The following BUB1 variants were observed in gnomAD, a reference collection of about 807,000 sequenced individuals.
The protein encoded by BUB1 is BUB1 mitotic checkpoint serine/threonine kinase.
A neutral mutation model predicts 135.2 loss-of-function variants in BUB1; 84 were observed. The observed-to-expected ratio is 0.62, with a 90% CI of 0.52 to 0.74. The LOEUF (loss-of-function observed/expected upper bound fraction) is 0.74. BUB1 is among the 30% of genes least tolerant of loss of function. BUB1 has a pLI of 0.00. For synonymous variants in BUB1, 403 were observed against 434.4 expected (o/e 0.93, Z 0.90); for missense variants, 1,162 against 1,288.3 (o/e 0.90, Z 1.50).
At chr2:110,650,258 T>A (rs965832628) in intron 18 of BUB1, among the ~76,000 whole-genome samples, 3 of 152,032 alleles carry the variant, frequency 2.0e-5, no homozygotes, top group African/African-American at 7.3e-5. Context: ...CTGTAAAATG[T>A]AAAATATAAT....
chr2:110,643,077 G>C (rs1284613311), intron 19 of BUB1, among the ~76,000 whole-genome samples: 1 of 152,086 alleles, frequency 6.6e-6, no homozygotes, highest in Non-Finnish European at 1.5e-5. Context: ...CTGGTTCCTG[G>C]TCCAGCATAT....
At chr2:110,653,751 C>G (rs1689847285) in intron 16 of BUB1, among the ~76,000 whole-genome samples, 1 of 152,150 alleles carries the variant, frequency 6.6e-6, no homozygotes, top group Admixed American at 6.6e-5. Flanking sequence ...ATGCCTATAT[C>G]CCAGTGCTTT....
At chr2:110,668,413 C>T (rs1206817666) in intron 6 of BUB1, among the ~76,000 whole-genome samples, 1 of 152,234 alleles carries the variant, frequency 6.6e-6, no homozygotes, top group East Asian at 1.9e-4. Flanking sequence ...ATGTGTAGGA[C>T]GTAAAATGTA....
Position 110,661,841 on chromosome 2 carries a change from C to A in BUB1, c.958G>T (p.Val320Phe). The change falls in exon 10 of 25, where the codon GTT becomes TTT. Residue 320 changes from valine to phenylalanine, a missense_variant and splice_region_variant. By Grantham distance (50) the Val-to-Phe change is conservative. Coordinates refer to ENST00000302759, the MANE Select transcript of BUB1 (RefSeq NM_004336.5). The part of the protein sequence containing the change: ...DLPASQERSE[V>F]NPARMGPSVG... ...CTTGGCCCCATACGTGCTGGATTAA[C>A]CTTTCATATTAAACAAACAAACAAC... 8 of 1,612,794 alleles carry A rather than the reference C, an allele frequency of 5.0e-6. No homozygotes were observed. Among genetic ancestry groups the A allele is most frequent in the Non-Finnish European group, 6.8e-6 (8 of 1,179,350 alleles).
intron 9 of BUB1, chr2:110,666,055 A>T (rs1690243507): frequency 2.4e-6 from 1 of 424,560 alleles, no homozygotes; most frequent in African/African-American, 2.0e-5. Flanking sequence ...CACATACACA[A>T]ACATGTAAAA....
At chr2:110,643,167 G>A (rs914123319) in intron 19 of BUB1, among the ~76,000 whole-genome samples, 1 of 152,152 alleles carries the variant, frequency 6.6e-6, no homozygotes, top group Admixed American at 6.5e-5. Flanking sequence ...ATCCATTAGA[G>A]AACTGAGGTC....
At chr2:110,651,206 T>TAGTC (rs1322217507) in intron 17 of BUB1, among the ~76,000 whole-genome samples, 2 of 152,158 alleles carry the variant, frequency 1.3e-5, no homozygotes, top group African/African-American at 2.4e-5. Flanking sequence ...TCCATATATA[T>TAGTC]AGTCATGTGC....
chr2:110,666,227 C>G, intron 9 of BUB1, 36 bp downstream of exon 9: 1 of 1,317,058 alleles, frequency 7.6e-7, no homozygotes, highest in African/African-American at 1.5e-5. Flanking sequence ...ATTCCTGCTG[C>G]TGGGCACAGG....
intron 4 of BUB1, among the ~76,000 whole-genome samples, chr2:110,671,465 T>C (rs1390230562): frequency 6.6e-6 from 1 of 151,818 alleles, no homozygotes; most frequent in Non-Finnish European, 1.5e-5. Context: ...CTCAATGACG[T>C]TTTAAAAAAG....
rs1201014573 is a variant in BUB1 at position 110,672,845 on chromosome 2, T to C, written c.238A>G (p.Ser80Gly). 1.9e-6 allele frequency: 3 copies of C among 1,604,802 alleles called. No homozygotes were observed. In the African/African-American group the frequency reaches 4.0e-5, roughly 22 times the overall value. ...SYCLKFAEYN[S>G]DLHQFFEFLY... ...AACTCAAAAAATTGATGGAGGTCAC[T>C]GTTGTACTCAGCCTACACGAACCCA... Residue 80 changes from serine to glycine, a missense_variant, in exon 4 of 25, where the codon AGT becomes GGT. Transcript: ENST00000302759.
chr2:110,655,916 C>T lies in BUB1; in HGVS notation c.1699G>A (p.Glu567Lys). The change falls in exon 16 of 25, where the codon GAG becomes AAG. Residue 567 changes from glutamate (E) to lysine (K), a missense_variant and splice_region_variant. Physicochemically the swap from Glu to Lys is moderately conservative, Grantham distance 56. Transcript: ENST00000302759. ...AACTCTTCAGCATGAGGCACTTCCT[C>T]CTATAACAGAAGATGAAATGAAAAA... Reference protein sequence around the residue: ...SVSRLPSKPKEEVPHAEEFLD... With the variant: ...SVSRLPSKPKKEVPHAEEFLD... 1 of 1,611,484 alleles carries T rather than the reference C, an allele frequency of 6.2e-7. No homozygotes were observed. Among genetic ancestry groups the T allele is most frequent in the Non-Finnish European group, 8.5e-7 (1 of 1,178,342 alleles).
chr2:110,677,641 A>G (rs904966535), intron 1 of BUB1, among the ~76,000 whole-genome samples: 5 of 152,238 alleles, frequency 3.3e-5, no homozygotes, highest in Admixed American at 6.5e-5. Flanking sequence ...TCTAAACACA[A>G]GGTTCAGGAT....
At position 110,638,133 on chromosome 2, in the gene BUB1, TC is replaced by T; in HGVS notation, c.3088del (p.Glu1030AsnfsTer7). On this transcript the variant is annotated frameshift_variant, in exon 25 of 25. Coordinates refer to ENST00000302759, the MANE Select transcript of BUB1 (RefSeq NM_004336.5). LOFTEE classifies it high-confidence loss of function. The part of the protein sequence containing the change: ...RRLPHLDMWN[E>X]FFHVMLNIPD... ...AATATTCAACATAACATGAAAAAAT[TC>T]ATTCCACATATCCAAATGAGGAAGC... The T allele has an allele frequency of 6.3e-7, 1 of 1,598,488 alleles. No individual in the cohort carries two copies. Among genetic ancestry groups the T allele is most frequent in the Non-Finnish European group, 8.5e-7 (1 of 1,175,018 alleles).
intron 18 of BUB1, among the ~76,000 whole-genome samples, chr2:110,649,888 AT>A (rs927843010): frequency 8.5e-5 from 13 of 152,196 alleles, no homozygotes; most frequent in African/African-American, 3.1e-4. Context: ...CCAACCTGGA[AT>A]GTTACAAAAA....
rs61730706 is a variant in BUB1, at chr2:110,667,649, G to A, written c.677C>T (p.Ala226Val). 4,945 of 1,613,912 alleles carry A rather than the reference G, an allele frequency of 3.1e-3. 10 individuals carry two copies. The highest frequency in any genetic ancestry group is 3.7e-3 in the Non-Finnish European group (4,399 of 1,179,950). Reference protein sequence around the residue: ...KSEYSVHSSLASKVDVEQVVM... With the variant: ...KSEYSVHSSLVSKVDVEQVVM... Reference sequence around the variant, plus strand: ...AACCTGCTCAACATCAACTTTGGATGCCAAAGATGAGTGCACAGAATATTC... The same window carrying A: ...AACCTGCTCAACATCAACTTTGGATACCAAAGATGAGTGCACAGAATATTC... The change falls in exon 8 of 25, where the codon GCA (alanine) becomes GTA (valine). Residue 226 changes from alanine to valine, a missense_variant. Coordinates refer to ENST00000302759, the MANE Select transcript of BUB1 (RefSeq NM_004336.5).
At chr2:110,666,026 A>G in intron 9 of BUB1, 2 of 367,968 alleles carry the variant, frequency 5.4e-6, no homozygotes, top group Non-Finnish European at 4.7e-6. Context: ...ATATAAATAC[A>G]TGAATATATA....
intron 9 of BUB1, among the ~76,000 whole-genome samples, chr2:110,665,124 A>T (rs1690209083): frequency 6.6e-6 from 1 of 152,254 alleles, no homozygotes; most frequent in Admixed American, 6.5e-5. Context: ...AGAATTAGTT[A>T]GATATCTATG....
intron 19 of BUB1, chr2:110,642,797 T>G (rs1343002147): frequency 6.6e-6 from 1 of 152,462 alleles, no homozygotes; most frequent in Non-Finnish European, 1.5e-5. Context: ...GCCCAAGTGA[T>G]CCTCCCACCT....
intron 19 of BUB1, among the ~76,000 whole-genome samples, chr2:110,644,809 T>C: frequency 6.6e-6 from 1 of 152,170 alleles, no homozygotes; most frequent in Non-Finnish European, 1.5e-5. Flanking sequence ...CTGTATCCAG[T>C]AAAATTATCC....
Sources: allele counts gnomAD v4.1 joint callset (sites outside exome capture counted in the v4.1 genomes callset), GRCh38; gene constraint gnomAD v4.1.1; transcripts MANE v1.5; gene names NCBI Gene and HGNC (gene_info 2026-07-23, HGNC 2026-07-21).